EPHA5: variants seen among roughly 807,000 people sequenced by gnomAD.
EPHA5 encodes the protein EPH receptor A5, also known as ephrin type-A receptor 5.
Under a neutral mutation model 105.0 loss-of-function variants are expected in EPHA5, and 60 were observed. That is an observed-to-expected ratio of 0.57 (90% CI 0.46 to 0.71). The LOEUF is 0.71. EPHA5 is among the 30% of genes least tolerant of loss of function. The pLI is 0.00. For synonymous variants in EPHA5, 513 were observed against 449.1 expected (o/e 1.14, Z -1.80); for missense variants, 1,218 against 1,274.7 (o/e 0.96, Z 0.68).
intron 8 of EPHA5, among the ~76,000 whole-genome samples, chr4:65,392,348 GC>G (rs776767945): frequency 6.6e-6 from 1 of 151,806 alleles, no homozygotes; most frequent in Non-Finnish European, 1.5e-5. Context: ...CTTTTATTGA[GC>G]TTTTTTCTAA....
At chr4:65,564,516 GT>G (rs1739333659) in intron 3 of EPHA5, among the ~76,000 whole-genome samples, 1 of 151,596 alleles carries the variant, frequency 6.6e-6, no homozygotes, top group Non-Finnish European at 1.5e-5. Context: ...TTGTGACTTT[GT>G]TTTTATTGTA....
At chr4:65,648,728 CA>C (rs1748342505) in intron 1 of EPHA5, among the ~76,000 whole-genome samples, 1 of 152,116 alleles carries the variant, frequency 6.6e-6, no homozygotes, top group Non-Finnish European at 1.5e-5. Context: ...TTTCATTTAA[CA>C]ATATCAGAAA....
intron 5 of EPHA5, among the ~76,000 whole-genome samples, chr4:65,486,825 T>A (rs1020147621): frequency 2.6e-5 from 4 of 152,224 alleles, no homozygotes; most frequent in Non-Finnish European, 5.9e-5. Flanking sequence ...TGGGCCTGTG[T>A]CCCTTCCCAA....
intron 16 of EPHA5, chr4:65,331,562 A>G: frequency 9.5e-7 from 1 of 1,057,328 alleles, no homozygotes; most frequent in Non-Finnish European, 1.1e-6. Context: ...GTAGAGAGCC[A>G]AAATGTACAA....
chr4:65,597,948 C>A (rs1015680360), intron 3 of EPHA5, among the ~76,000 whole-genome samples: 1 of 152,110 alleles, frequency 6.6e-6, no homozygotes, highest in Non-Finnish European at 1.5e-5. Flanking sequence ...CTCCATCATG[C>A]AAAGCACATA....
At chr4:65,326,962 G>C (rs1051938786) in intron 16 of EPHA5, among the ~76,000 whole-genome samples, 5 of 151,090 alleles carry the variant, frequency 3.3e-5, no homozygotes, top group African/African-American at 1.2e-4. Flanking sequence ...GCATGTATGG[G>C]TTCCATATTC....
chr4:65,353,503 TACACACACACAC>T (rs66462845), intron 11 of EPHA5, among the ~76,000 whole-genome samples: 2 of 146,282 alleles, frequency 1.4e-5, no homozygotes, highest in South Asian at 2.1e-4. Flanking sequence ...ATTTAAGATT[TACACACACACAC>T]ACACACACAC....
At chr4:65,561,736 G>T (rs1038485409) in intron 3 of EPHA5, among the ~76,000 whole-genome samples, 14 of 152,152 alleles carry the variant, frequency 9.2e-5, no homozygotes, top group Non-Finnish European at 1.9e-4. Context: ...TACATATATT[G>T]ATCTGTGGTA....
intron 3 of EPHA5, among the ~76,000 whole-genome samples, chr4:65,530,641 G>C (rs1251055702): frequency 6.6e-6 from 1 of 152,138 alleles, no homozygotes; most frequent in Non-Finnish European, 1.5e-5. Context: ...AGAAAATGGG[G>C]TGTAAGGCAA....
chr4:65,485,642 T>G (rs1730809780), intron 5 of EPHA5, among the ~76,000 whole-genome samples: 1 of 152,176 alleles, frequency 6.6e-6, no homozygotes, highest in Admixed American at 6.6e-5. Context: ...ACTATCAGCC[T>G]AATGCAAAAT....
chr4:65,658,871 C>G (rs192103370), intron 1 of EPHA5, among the ~76,000 whole-genome samples: 1 of 152,040 alleles, frequency 6.6e-6, no homozygotes, highest in Admixed American at 6.6e-5. Context: ...CTCGTTTCAG[C>G]TCCCTAATTT....
rs767400088 is a variant in EPHA5, at chr4:65,669,608, G to T, written c.135C>A (p.Leu45=). ...GGAGGGTCCGGAGTGCGGCGCACAG[G>T]AGAAGGCACGTCCAGAGGGGAGCCC... The part of the protein sequence containing the change: ...PRRAPLWTCL[L]LCAALRTLLA... The change falls in exon 1 of 17, where the codon CTC becomes CTA. Residue 45 remains leucine, a synonymous_variant. Transcript: ENST00000613740. 1 of 1,435,810 alleles carries T rather than the reference G, an allele frequency of 7.0e-7. No individual in the cohort carries two copies. Among genetic ancestry groups the T allele is most frequent in the East Asian group, 2.7e-5 (1 of 36,756 alleles). The allele number at this position is 1,435,810 out of a possible 1,614,324, so 88.9% of individuals were successfully genotyped here.
intron 5 of EPHA5, among the ~76,000 whole-genome samples, chr4:65,462,361 A>G (rs1371117613): frequency 1.3e-5 from 2 of 152,126 alleles, no homozygotes; most frequent in African/African-American, 4.8e-5. Flanking sequence ...CATGATATTG[A>G]CTATTTATTT....
chr4:65,466,080 T>C (rs956447371), intron 5 of EPHA5, among the ~76,000 whole-genome samples: 1 of 152,214 alleles, frequency 6.6e-6, no homozygotes, highest in Non-Finnish European at 1.5e-5. Flanking sequence ...TTAAATGGGA[T>C]AGGAAAGGTT....
At chr4:65,475,482 A>G (rs1054294741) in intron 5 of EPHA5, among the ~76,000 whole-genome samples, 2 of 152,172 alleles carry the variant, frequency 1.3e-5, no homozygotes, top group Admixed American at 6.5e-5. Flanking sequence ...GTGTTATACT[A>G]CATCTACACA....
chr4:65,545,615 G>C (rs1254590381), intron 3 of EPHA5, among the ~76,000 whole-genome samples: 11 of 151,816 alleles, frequency 7.2e-5, no homozygotes, highest in African/African-American at 2.7e-4. Context: ...ATAAAACAAA[G>C]AATTCAAGGC....
intron 5 of EPHA5, among the ~76,000 whole-genome samples, chr4:65,449,958 G>A (rs1726919105): frequency 6.6e-6 from 1 of 152,044 alleles, no homozygotes; most frequent in Admixed American, 6.6e-5. Flanking sequence ...TCAGAATCAT[G>A]AGCCAATAAA....
At chr4:65,386,154 T>C (rs752952650) in intron 8 of EPHA5, among the ~76,000 whole-genome samples, 4 of 151,928 alleles carry the variant, frequency 2.6e-5, no homozygotes, top group Non-Finnish European at 5.9e-5. Flanking sequence ...TATAGCTCTG[T>C]TCTGTGAAGT....
intron 2 of EPHA5, among the ~76,000 whole-genome samples, chr4:65,643,035 C>A (rs1176521772): frequency 1.3e-5 from 2 of 151,894 alleles, no homozygotes; most frequent in African/African-American, 2.4e-5. Context: ...AAATAAAATA[C>A]TTTTATCTTT....
Sources: gnomAD v4.1 joint callset for allele counts (sites outside exome capture counted in the v4.1 genomes callset) on GRCh38, gnomAD v4.1.1 for gene constraint, MANE v1.5 for transcripts, NCBI Gene and HGNC (gene_info 2026-07-23, HGNC 2026-07-21) for gene names.